The following GTF2IRD1 variants were observed in gnomAD, a reference collection of about 807,000 sequenced individuals.
GTF2IRD1 encodes GTF2I repeat domain containing 1, also known as general transcription factor II-I repeat domain-containing protein 1.
GTF2IRD1 carries 26 observed loss-of-function variants against 113.2 expected under a neutral mutation model. That is an observed-to-expected ratio of 0.23 (90% CI 0.17 to 0.32). The LOEUF is 0.32. Among genes scored for constraint, GTF2IRD1 ranks in the 10% least tolerant of loss-of-function variants. The probability of loss-of-function intolerance (pLI) is 1.00; values close to 1 mark genes in which losing one functional copy is unlikely to be tolerated. For synonymous variants in GTF2IRD1, 484 were observed against 529.1 expected, an observed-to-expected ratio of 0.91 and a Z score of 1.17; for missense variants, 864 against 1,280.8, an observed-to-expected ratio of 0.67 and a Z score of 4.97.
Position 74,601,053 on chromosome 7 carries a change from G to A in GTF2IRD1, c.2639G>A (p.Ser880Asn). 6.2e-7 allele frequency: 1 copy of A among 1,614,172 alleles called. No homozygotes were observed. The highest frequency in any genetic ancestry group is 2.2e-5 in the East Asian group (1 of 44,880). The change falls in exon 26 of 27, where the codon AGC (serine) becomes AAC (asparagine). Residue 880 changes from serine to asparagine, a missense_variant. Coordinates refer to ENST00000424337, the MANE Select transcript of GTF2IRD1 (RefSeq NM_005685.4). ...TTTCCCCTCCTTCCAGCCAAAGACA[G>A]CAGCATTCCCAAGCGCAAGAGAAAG... The part of the protein sequence containing the change: ...CNDAKVPAKD[S>N]SIPKRKRKRV...
intron 14 of GTF2IRD1, among the ~76,000 whole-genome samples, 169 bp from the exon 15 acceptor site, chr7:74,544,586 G>A (rs782302385): frequency 1.3e-5 from 2 of 152,322 alleles, no homozygotes; most frequent in Middle Eastern, 6.8e-3. Flanking sequence ...TGAAGGCCAG[G>A]GTAGGCACCT....
intron 7 of GTF2IRD1, among the ~76,000 whole-genome samples, chr7:74,521,604 A>G (rs1256361623): frequency 6.6e-6 from 1 of 152,096 alleles, no homozygotes; most frequent in Admixed American, 6.6e-5. Flanking sequence ...TCTACAAAAA[A>G]TAAGAAAAAT....
Position 74,601,166 on chromosome 7 carries a change from C to A in GTF2IRD1, c.2752C>A (p.Gln918Lys). ...SNPDSVASAN[Q>K]ISLVQWPMYM... Reference sequence around the variant, plus strand: ...CCCGGATTCAGTGGCATCGGCCAACCAGATCTCACTCGTGGTAAAGTTGCA... The same window carrying A: ...CCCGGATTCAGTGGCATCGGCCAACAAGATCTCACTCGTGGTAAAGTTGCA... Residue 918 changes from glutamine (Q) to lysine (K), a missense_variant, in exon 26 of 27, where the codon CAG becomes AAG. Physicochemically the swap from Gln to Lys is moderately conservative, Grantham distance 53. Coordinates refer to ENST00000424337, the MANE Select transcript of GTF2IRD1 (RefSeq NM_005685.4). 6.3e-7 allele frequency: 1 copy of A among 1,597,240 alleles called. No homozygotes were observed. Among genetic ancestry groups the A allele is most frequent in the Non-Finnish European group, 8.5e-7 (1 of 1,171,120 alleles).
At chr7:74,585,884 C>CA (rs60492561) in intron 22 of GTF2IRD1, among the ~76,000 whole-genome samples, 3,091 of 137,140 alleles carry the variant, frequency 0.023, 84 homozygotes, top group African/African-American at 0.075. Flanking sequence ...AAGACTCTTC[C>CA]AAAAAAAAAA....
At chr7:74,480,742 G>A (rs890321504) in intron 1 of GTF2IRD1, among the ~76,000 whole-genome samples, 10 of 152,290 alleles carry the variant, frequency 6.6e-5, no homozygotes, top group East Asian at 5.8e-4. Context: ...GCATACTGCC[G>A]GCGGCGGCGG....
intron 1 of GTF2IRD1, among the ~76,000 whole-genome samples, chr7:74,478,171 A>G (rs1050038087): frequency 6.6e-6 from 1 of 152,170 alleles, no homozygotes; most frequent in African/African-American, 2.4e-5. Flanking sequence ...CCAAGCCTGC[A>G]TTTCCCACCC....
intron 22 of GTF2IRD1, among the ~76,000 whole-genome samples, chr7:74,581,094 A>G (rs1485374402): frequency 1.3e-5 from 2 of 151,698 alleles, no homozygotes; most frequent in Admixed American, 6.6e-5. Flanking sequence ...ATCTCGGCTC[A>G]CTGCAACCTC....
chr7:74,566,871 G>T (rs1234268074), intron 22 of GTF2IRD1, among the ~76,000 whole-genome samples: 1 of 152,178 alleles, frequency 6.6e-6, no homozygotes, highest in Non-Finnish European at 1.5e-5. Context: ...TGTCCCTGAA[G>T]TGGGTTGCAG....
chr7:74,552,030 G>C (rs1483965714), intron 17 of GTF2IRD1, among the ~76,000 whole-genome samples: 1 of 152,186 alleles, frequency 6.6e-6, no homozygotes, highest in African/African-American at 2.4e-5. Context: ...TTGAAAGCTT[G>C]CAAGGTGCCC....
At chr7:74,477,239 C>T (rs1373938819) in intron 1 of GTF2IRD1, among the ~76,000 whole-genome samples, 1 of 152,072 alleles carries the variant, frequency 6.6e-6, no homozygotes, top group African/African-American at 2.4e-5. Context: ...CAGTGCGCAC[C>T]TGTAATCCCC....
chr7:74,550,948 G>A (rs181357269), intron 17 of GTF2IRD1, among the ~76,000 whole-genome samples: 39 of 152,164 alleles, frequency 2.6e-4, no homozygotes, highest in African/African-American at 9.4e-4. Context: ...GCGGAAGGCG[G>A]AAGAATAGCT....
chr7:74,591,011 A>G lies in GTF2IRD1; in HGVS notation c.2585A>G (p.Gln862Arg), dbSNP rs139783435. Residue 862 changes from glutamine (Q) to arginine (R), a missense_variant, in exon 24 of 27, where the codon CAG becomes CGG. By Grantham distance (43) the Gln-to-Arg change is conservative (BLOSUM62 1). This residue lies in a region of GTF2IRD1 where 195 missense variants were observed against 359.1 expected (regional missense o/e 0.54). Transcript: ENST00000424337. ...CATGTCCGCATGGTCATCATTAACC[A>G]GCTCCAGTGAGTGCCCGGCCTCTGG... is the stretch of plus-strand genomic sequence containing the variant. ...REHVRMVIINQLQPFAEICND... is the reference protein window; with the variant it reads ...REHVRMVIINRLQPFAEICND... 1.7e-5 allele frequency: 27 copies of G among 1,607,548 alleles called. No homozygotes were observed. Among genetic ancestry groups the G allele is most frequent in the Non-Finnish European group, 2.2e-5 (26 of 1,176,114 alleles).
intron 22 of GTF2IRD1, among the ~76,000 whole-genome samples, chr7:74,565,313 T>A (rs191585822): frequency 6.6e-6 from 1 of 151,252 alleles, no homozygotes; most frequent in Admixed American, 6.6e-5. Flanking sequence ...TCACGTAAAG[T>A]CAGGAGTTCG....
intron 1 of GTF2IRD1, among the ~76,000 whole-genome samples, chr7:74,479,834 C>T (rs1794634368): frequency 7.0e-6 from 1 of 143,646 alleles, no homozygotes; most frequent in South Asian, 2.2e-4. Flanking sequence ...CTCATTGCAA[C>T]GTCCCCATCC....
chr7:74,575,730 T>C (rs1401128386), intron 22 of GTF2IRD1, among the ~76,000 whole-genome samples: 3 of 152,106 alleles, frequency 2.0e-5, no homozygotes, highest in African/African-American at 4.8e-5. Flanking sequence ...ACAGGGAAGA[T>C]GCAGGAGAAG....
chr7:74,590,690 C>T (rs1175980115), intron 23 of GTF2IRD1, 135 bp from the exon 24 acceptor site: 2 of 529,488 alleles, frequency 3.8e-6, no homozygotes, highest in African/African-American at 1.9e-5. Flanking sequence ...TGCGCCCCAC[C>T]AGGGTCTTGA....
intron 1 of GTF2IRD1, among the ~76,000 whole-genome samples, chr7:74,467,906 A>G (rs182023198): frequency 1.8e-4 from 28 of 152,084 alleles, no homozygotes; most frequent in Non-Finnish European, 3.4e-4. Context: ...GTTGGACCAG[A>G]CTGGTCTTGA....
chr7:74,527,910 A>T (rs1179233994), intron 8 of GTF2IRD1, among the ~76,000 whole-genome samples: 1 of 152,176 alleles, frequency 6.6e-6, no homozygotes, highest in Non-Finnish European at 1.5e-5. Flanking sequence ...GAATGACTGA[A>T]ATGGCACAAG....
chr7:74,515,294 C>G, intron 3 of GTF2IRD1, 147 bp from the exon 4 acceptor site: 1 of 1,499,642 alleles, frequency 6.7e-7, no homozygotes, highest in South Asian at 1.2e-5. Flanking sequence ...GGCTTGCTCA[C>G]TCATTAATTC....
Sources: gnomAD v4.1 joint callset for allele counts (sites outside exome capture counted in the v4.1 genomes callset) on GRCh38, gnomAD v4.1.1 for gene constraint, gnomAD v4.1.1 regional missense constraint, MANE v1.5 for transcripts, NCBI Gene and HGNC (gene_info 2026-07-23, HGNC 2026-07-21) for gene names.